The following FRMD4A variants were observed in gnomAD, a reference collection of about 807,000 sequenced individuals.
The protein encoded by FRMD4A is FERM domain-containing protein 4A.
FRMD4A carries 29 observed loss-of-function variants against 129.1 expected under a neutral mutation model. The ratio of observed to expected loss-of-function variants is 0.22; its 90% CI spans 0.17 to 0.31. FRMD4A has a LOEUF of 0.31. Among genes scored for constraint, FRMD4A ranks in the 10% least tolerant of loss-of-function variants. The pLI is 1.00. For synonymous variants in FRMD4A, 634 were observed against 571.6 expected (o/e 1.11, Z -1.56); for missense variants, 1,272 against 1,375.8 (o/e 0.92, Z 1.19).
intron 2 of FRMD4A, among the ~76,000 whole-genome samples, chr10:14,232,141 T>C (rs1004846297): frequency 6.6e-6 from 1 of 152,242 alleles, no homozygotes; most frequent in African/African-American, 2.4e-5. Context: ...TTCAATCTTC[T>C]GCATATGGCT....
intron 2 of FRMD4A, among the ~76,000 whole-genome samples, chr10:13,963,865 G>A (rs1203707143): frequency 6.6e-6 from 1 of 152,178 alleles, no homozygotes; most frequent in African/African-American, 2.4e-5. Flanking sequence ...TAGAGCATTA[G>A]GTTAGGACTG....
chr10:14,081,587 G>C (rs1057268750), intron 2 of FRMD4A, among the ~76,000 whole-genome samples: 2 of 152,182 alleles, frequency 1.3e-5, no homozygotes, highest in Admixed American at 6.5e-5. Flanking sequence ...TTCAGTACAA[G>C]CTCAATCTCA....
intron 6 of FRMD4A, among the ~76,000 whole-genome samples, chr10:13,779,520 A>G (rs2092685026): frequency 6.6e-6 from 1 of 152,068 alleles, no homozygotes; most frequent in African/African-American, 2.4e-5. Context: ...TAATCCTCAC[A>G]CTTCAGGACT....
chr10:14,106,833 T>C (rs1031119119), intron 2 of FRMD4A, among the ~76,000 whole-genome samples: 1 of 150,882 alleles, frequency 6.6e-6, no homozygotes, highest in Non-Finnish European at 1.5e-5. Flanking sequence ...CGAGCTACCG[T>C]TTGACCCAGC....
At chr10:13,943,625 C>A (rs576538193) in intron 2 of FRMD4A, among the ~76,000 whole-genome samples, 3 of 106,686 alleles carry the variant, frequency 2.8e-5, no homozygotes, top group Non-Finnish European at 5.2e-5. Flanking sequence ...TCCAGCCTGG[C>A]GACAGAGCAA....
At chr10:14,272,973 T>C (rs904686778) in intron 2 of FRMD4A, among the ~76,000 whole-genome samples, 1 of 152,168 alleles carries the variant, frequency 6.6e-6, no homozygotes, top group Non-Finnish European at 1.5e-5. Flanking sequence ...CCCAGCACTT[T>C]GGTAACCTGA....
At chr10:14,006,666 T>C (rs1271100853) in intron 2 of FRMD4A, among the ~76,000 whole-genome samples, 1 of 152,138 alleles carries the variant, frequency 6.6e-6, no homozygotes, top group African/African-American at 2.4e-5. Context: ...ATGTTAGCAT[T>C]TGTGAATAAA....
chr10:13,841,386 G>A (rs565834196), intron 3 of FRMD4A, among the ~76,000 whole-genome samples: 12 of 152,232 alleles, frequency 7.9e-5, no homozygotes, highest in African/African-American at 2.2e-4. Context: ...CTGAGTTTAC[G>A]CTAACGAGAA....
At chr10:13,753,541 ATTTTTT>A (rs35813128) in intron 8 of FRMD4A, among the ~76,000 whole-genome samples, 1 of 115,308 alleles carries the variant, frequency 8.7e-6, no homozygotes, top group Non-Finnish European at 1.7e-5. Flanking sequence ...GTACCTTTCT[ATTTTTT>A]TTTTTTTTTT....
rs1387795513 is a variant in FRMD4A, at chr10:14,287,621, G to A, written c.45+42437C>T. Among the ~76,000 whole-genome samples the A allele has an allele frequency of 7.2e-5, 11 of 152,232 alleles. 1 individual carries two copies. In the East Asian group the frequency reaches 9.7e-4, roughly 13 times the overall value. On this transcript the variant is annotated intron_variant, in intron 2 of 24. Transcript: ENST00000357447. Reference sequence around the variant, plus strand: ...AATTGTACTGATAGTCACCAGCAACGCTTATAAATGAGACAGTTTCTATTG... The same window carrying A: ...AATTGTACTGATAGTCACCAGCAACACTTATAAATGAGACAGTTTCTATTG...
intron 2 of FRMD4A, among the ~76,000 whole-genome samples, chr10:14,110,203 T>C (rs74669982): frequency 0.026 from 3,619 of 139,828 alleles, 135 homozygotes; most frequent in African/African-American, 0.089. Context: ...ATACTACAGA[T>C]GTGGTTAAAA....
At chr10:13,654,012 C>G in intron 23 of FRMD4A, 2 of 328,174 alleles carry the variant, frequency 6.1e-6, no homozygotes, top group Admixed American at 8.9e-5. Flanking sequence ...CTGGCTGTTT[C>G]ACCTGCCCCA....
intron 2 of FRMD4A, among the ~76,000 whole-genome samples, chr10:14,137,382 A>T (rs1473578862): frequency 6.6e-6 from 1 of 152,176 alleles, no homozygotes; most frequent in Non-Finnish European, 1.5e-5. Context: ...TGAAGCTAAG[A>T]GTGATAAAAA....
At chr10:13,972,033 C>T in intron 2 of FRMD4A, 1 of 1,164,528 alleles carries the variant, frequency 8.6e-7, no homozygotes, top group South Asian at 1.8e-5. Context: ...TCTTAACTCC[C>T]TCCCAAAGTG....
intron 2 of FRMD4A, among the ~76,000 whole-genome samples, chr10:13,962,473 G>A (rs374334423): frequency 5.3e-5 from 8 of 152,214 alleles, no homozygotes; most frequent in Middle Eastern, 3.4e-3. Context: ...AAAGGCAAGC[G>A]TTTGTGAAGA....
At chr10:13,883,644 G>T (rs752839965) in intron 2 of FRMD4A, among the ~76,000 whole-genome samples, 1 of 152,130 alleles carries the variant, frequency 6.6e-6, no homozygotes, top group African/African-American at 2.4e-5. Flanking sequence ...ACAACTTTAG[G>T]AACAGGAAGG....
At chr10:13,749,007 A>G (rs1361305970) in intron 8 of FRMD4A, among the ~76,000 whole-genome samples, 1 of 152,214 alleles carries the variant, frequency 6.6e-6, no homozygotes, top group East Asian at 1.9e-4. Context: ...AGCCTTCTTC[A>G]GGTGACTGAC....
chr10:14,300,103 A>C (rs1192514729), intron 2 of FRMD4A, among the ~76,000 whole-genome samples: 3 of 151,994 alleles, frequency 2.0e-5, no homozygotes, highest in Admixed American at 6.6e-5. Context: ...GCCCTACACG[A>C]AGGTATAAAA....
chr10:14,224,439 T>C (rs1843368381), intron 2 of FRMD4A, among the ~76,000 whole-genome samples: 1 of 152,236 alleles, frequency 6.6e-6, no homozygotes, highest in South Asian at 2.1e-4. Context: ...TGACTTTGTC[T>C]TTCTTCCCTC....
Sources: allele counts gnomAD v4.1 joint callset (sites outside exome capture counted in the v4.1 genomes callset), GRCh38; gene constraint gnomAD v4.1.1; transcripts MANE v1.5; gene names NCBI Gene and HGNC (gene_info 2026-07-23, HGNC 2026-07-21).